Variants in STT3B observed in about 807,000 individuals in gnomAD.
STT3B encodes the protein dolichyl-diphosphooligosaccharide--protein glycosyltransferase subunit STT3B.
Under a neutral mutation model 96.8 loss-of-function variants are expected in STT3B, and 29 were observed. The ratio of observed to expected loss-of-function variants is 0.30; its 90% CI spans 0.22 to 0.41. The LOEUF (loss-of-function observed/expected upper bound fraction) is 0.41, where lower values mean the gene tolerates loss of function less well. Ranked by LOEUF, STT3B falls within the 10% of genes least tolerant of loss-of-function variation. The pLI is 1.00. For synonymous variants in STT3B, 367 were observed against 360.0 expected, an observed-to-expected ratio of 1.02 and a Z score of -0.22; for missense variants, 640 against 1,022.3, an observed-to-expected ratio of 0.63 and a Z score of 5.10.
chr3:31,569,989 A>T (rs1220129438), intron 1 of STT3B, among the ~76,000 whole-genome samples: 2 of 152,140 alleles, frequency 1.3e-5, no homozygotes, highest in Non-Finnish European at 2.9e-5. Flanking sequence ...GAAAATTTCA[A>T]ACATACAGCA....
At chr3:31,548,943 CA>C (rs1324614997) in intron 1 of STT3B, among the ~76,000 whole-genome samples, 1 of 152,192 alleles carries the variant, frequency 6.6e-6, no homozygotes, top group Non-Finnish European at 1.5e-5. Flanking sequence ...ATGCAATACA[CA>C]TTACCATGTT....
At chr3:31,598,189 T>C (rs1383518666) in intron 4 of STT3B, among the ~76,000 whole-genome samples, 1 of 152,180 alleles carries the variant, frequency 6.6e-6, no homozygotes, top group South Asian at 2.1e-4. Context: ...CCAAGTTAGA[T>C]TGCATACTCA....
At chr3:31,589,567 C>G (rs529963767) in intron 3 of STT3B, among the ~76,000 whole-genome samples, 6 of 151,936 alleles carry the variant, frequency 3.9e-5, no homozygotes, top group South Asian at 4.1e-4. Flanking sequence ...CTGTTCTGTT[C>G]CATTGATCTA....
At position 31,533,323 on chromosome 3, in the gene STT3B, C is replaced by T; in HGVS notation, c.314+11C>T. ...CGAGTTCGACCCGTGGTAAGTGCCT[C>T]GCCGCCCCTCCCCCGCCCGTGGCCC... On this transcript the variant is annotated intron_variant, in intron 1 of 15. Transcript: ENST00000295770. 2.6e-6 allele frequency: 4 copies of T among 1,515,228 alleles called. No homozygotes were observed. The highest frequency in any genetic ancestry group is 1.2e-5 in the South Asian group (1 of 81,904). 93.9% of individuals were successfully genotyped at this position (1,515,228 alleles called of 1,614,324 possible). A position where few individuals can be genotyped will look rare whatever the true frequency, so the allele number is the denominator to read the frequency against.
chr3:31,617,253 A>G (rs1699326892), intron 7 of STT3B, among the ~76,000 whole-genome samples, 178 bp downstream of exon 7: 1 of 143,180 alleles, frequency 7.0e-6, no homozygotes, highest in Non-Finnish European at 1.5e-5. Flanking sequence ...TCTACTTTTA[A>G]GCGTCCTTCT....
At chr3:31,585,711 G>A (rs959745539) in intron 3 of STT3B, among the ~76,000 whole-genome samples, 1 of 151,906 alleles carries the variant, frequency 6.6e-6, no homozygotes, top group African/African-American at 2.4e-5. Context: ...TTCTTTTTTA[G>A]AATGCCATAT....
intron 1 of STT3B, among the ~76,000 whole-genome samples, chr3:31,564,916 A>G (rs1697964761): frequency 6.6e-6 from 1 of 152,222 alleles, no homozygotes; most frequent in Non-Finnish European, 1.5e-5. Flanking sequence ...AATCCCATAA[A>G]TAATTTATTC....
chr3:31,578,670 T>G (rs553057160), intron 2 of STT3B, among the ~76,000 whole-genome samples: 1 of 152,048 alleles, frequency 6.6e-6, no homozygotes, highest in East Asian at 1.9e-4. Context: ...TTATCATGCT[T>G]TTTTTTCCTC....
chr3:31,548,735 C>T (rs1328840391), intron 1 of STT3B, among the ~76,000 whole-genome samples: 1 of 152,082 alleles, frequency 6.6e-6, no homozygotes, highest in Non-Finnish European at 1.5e-5. Flanking sequence ...GAAGAACCTT[C>T]CCCCCTTTGA....
chr3:31,570,946 G>A (rs548325549), intron 1 of STT3B, among the ~76,000 whole-genome samples: 1 of 152,214 alleles, frequency 6.6e-6, no homozygotes, highest in South Asian at 2.1e-4. Flanking sequence ...GATCAGAAAT[G>A]GAGGGTAGGG....
chr3:31,545,878 A>T (rs999613463), intron 1 of STT3B, among the ~76,000 whole-genome samples: 21 of 151,236 alleles, frequency 1.4e-4, no homozygotes, highest in Non-Finnish European at 2.6e-4. Flanking sequence ...GGCCTAAGGC[A>T]ATTCTTCTTC....
At chr3:31,535,861 A>G (rs1022742039) in intron 1 of STT3B, among the ~76,000 whole-genome samples, 4 of 152,224 alleles carry the variant, frequency 2.6e-5, no homozygotes, top group Non-Finnish European at 5.9e-5. Flanking sequence ...GGTATTCTGC[A>G]TATAGTTTTA....
At chr3:31,592,750 C>G (rs1159255546) in intron 3 of STT3B, among the ~76,000 whole-genome samples, 1 of 152,150 alleles carries the variant, frequency 6.6e-6, no homozygotes, top group Non-Finnish European at 1.5e-5. Flanking sequence ...CCAGGGTATT[C>G]ACGGTGACTT....
chr3:31,616,177 C>T (rs377479269), intron 6 of STT3B, among the ~76,000 whole-genome samples: 2 of 151,744 alleles, frequency 1.3e-5, no homozygotes, highest in South Asian at 2.1e-4. Context: ...AAGAGAAGTA[C>T]GATCTAATGG....
Position 31,551,452 on chromosome 3 carries a change from A to T in STT3B, c.314+18140A>T, listed in dbSNP as rs556604541. Among the ~76,000 whole-genome samples, 3 of 152,236 alleles carry T rather than the reference A, an allele frequency of 2.0e-5. No individual in the cohort carries two copies. The East Asian group carries it at 5.8e-4, about 29-fold the overall frequency. On this transcript the variant is annotated intron_variant, in intron 1 of 15. Transcript: ENST00000295770. ...GGCTGGTCTTGAACTCCTGGGCTCA[A>T]GTGATCCACCCACCTTGGCCTCTCA...
At chr3:31,548,342 A>C (rs192205602) in intron 1 of STT3B, among the ~76,000 whole-genome samples, 1 of 152,238 alleles carries the variant, frequency 6.6e-6, no homozygotes, top group African/African-American at 2.4e-5. Flanking sequence ...AGGGAAAAAA[A>C]ATGTTTCTGT....
intron 1 of STT3B, among the ~76,000 whole-genome samples, chr3:31,562,777 G>A (rs868645094): frequency 6.6e-5 from 10 of 152,308 alleles, no homozygotes; most frequent in Middle Eastern, 6.8e-3. Flanking sequence ...GGGCAGTATC[G>A]CTGCCTTGTA....
intron 15 of STT3B, among the ~76,000 whole-genome samples, chr3:31,634,087 G>C (rs944469971): frequency 6.6e-6 from 1 of 152,138 alleles, no homozygotes; most frequent in Non-Finnish European, 1.5e-5. Context: ...CTTTTTATAT[G>C]AATATGTGCC....
At position 31,606,639 on chromosome 3, in the gene STT3B, C is replaced by T. The variant is rs538523285; in HGVS notation, c.877+6180C>T. Among the ~76,000 whole-genome samples, 57 of 152,312 alleles carry T rather than the reference C, an allele frequency of 3.7e-4. 1 individual carries two copies. The Middle Eastern group carries it at 0.024, about 64-fold the overall frequency. On this transcript the variant is annotated intron_variant, in intron 5 of 15. Transcript: ENST00000295770. Reference sequence around the variant, plus strand: ...AGAACGTATGGAAATGCCTGGATGTCCAGGCAGAAGTTTGCTGGAGAGGTG... The same window carrying T: ...AGAACGTATGGAAATGCCTGGATGTTCAGGCAGAAGTTTGCTGGAGAGGTG...
Sources: gnomAD v4.1 joint callset for allele counts (sites outside exome capture counted in the v4.1 genomes callset) on GRCh38, gnomAD v4.1.1 for gene constraint, MANE v1.5 for transcripts, NCBI Gene and HGNC (gene_info 2026-07-23, HGNC 2026-07-21) for gene names.